The following TXNDC15 variants were observed in gnomAD, a reference collection of about 807,000 sequenced individuals.
The protein encoded by TXNDC15 is thioredoxin domain containing 15.
TXNDC15 carries 24 observed loss-of-function variants against 35.0 expected under a neutral mutation model. The observed-to-expected ratio is 0.68, with a 90% CI of 0.50 to 0.96. The LOEUF (loss-of-function observed/expected upper bound fraction) is 0.96, where lower values mean the gene tolerates loss of function less well. Among genes scored for constraint, TXNDC15 ranks in the 40% least tolerant of loss-of-function variants. TXNDC15 has a pLI of 0.00. For missense variants in TXNDC15, 385 were observed against 453.3 expected (o/e 0.85, Z 1.37); for synonymous variants, 169 against 174.0 (o/e 0.97, Z 0.23).
intron 4 of TXNDC15, among the ~76,000 whole-genome samples, chr5:134,897,538 C>T (rs1021130569): frequency 5.9e-5 from 9 of 152,150 alleles, no homozygotes; most frequent in African/African-American, 1.9e-4. Flanking sequence ...TGTGAGCCAC[C>T]GTGCCTGGCC....
intron 1 of TXNDC15, among the ~76,000 whole-genome samples, chr5:134,879,122 A>T (rs1410837486): frequency 6.6e-6 from 1 of 152,204 alleles, no homozygotes; most frequent in Non-Finnish European, 1.5e-5. Flanking sequence ...CTAAATGAAA[A>T]CGTTGGTACC....
At chr5:134,893,963 G>C (rs1750439929) in intron 3 of TXNDC15, among the ~76,000 whole-genome samples, 1 of 152,174 alleles carries the variant, frequency 6.6e-6, no homozygotes, top group Non-Finnish European at 1.5e-5. Context: ...GACTGAATCA[G>C]CACAATTGGT....
intron 1 of TXNDC15, among the ~76,000 whole-genome samples, chr5:134,882,532 C>T (rs1750174915): frequency 6.6e-6 from 1 of 152,236 alleles, no homozygotes; most frequent in Non-Finnish European, 1.5e-5. Flanking sequence ...GATCACGCCA[C>T]TGCACTCCAG....
At chr5:134,896,266 C>T (rs1389583853) in intron 3 of TXNDC15, 28 bp from the exon 4 acceptor site, 1 of 1,598,628 alleles carries the variant, frequency 6.3e-7, no homozygotes, top group Admixed American at 1.8e-5. Flanking sequence ...ATAATAAATT[C>T]AGGTTTTTTG....
chr5:134,888,326 A>G (rs1750319589), intron 2 of TXNDC15, 144 bp downstream of exon 2: 4 of 869,092 alleles, frequency 4.6e-6, no homozygotes, highest in African/African-American at 3.4e-5. Context: ...GTGAAAATCA[A>G]CTTTGCCCTC....
At chr5:134,884,452 T>G (rs570102501) in intron 1 of TXNDC15, among the ~76,000 whole-genome samples, 12 of 151,892 alleles carry the variant, frequency 7.9e-5, no homozygotes, top group Non-Finnish European at 1.8e-4. Flanking sequence ...TTCTCCATGT[T>G]GGTCAGGCTG....
intron 4 of TXNDC15, among the ~76,000 whole-genome samples, chr5:134,896,976 C>G (rs1387884096): frequency 1.3e-5 from 2 of 151,066 alleles, no homozygotes; most frequent in Non-Finnish European, 2.9e-5. Flanking sequence ...GAGTCTCACT[C>G]TGTTGCCCAG....
chr5:134,899,444 G>A (rs1322670125), intron 4 of TXNDC15, 45 bp from the exon 5 acceptor site: 10 of 1,558,522 alleles, frequency 6.4e-6, no homozygotes, highest in Non-Finnish European at 6.1e-6. Flanking sequence ...AATCTGTGGT[G>A]GGTGCTTTTT....
chr5:134,883,362 A>C (rs538068449), intron 1 of TXNDC15, among the ~76,000 whole-genome samples: 3 of 152,020 alleles, frequency 2.0e-5, no homozygotes, highest in African/African-American at 7.2e-5. Context: ...ACCCAGGAGG[A>C]GGTAGCAGTG....
chr5:134,873,790 G>A (rs1175989793), upstream of TXNDC15: 1 of 152,162 alleles, frequency 6.6e-6, no homozygotes, highest in Non-Finnish European at 1.5e-5. Flanking sequence ...AACCTCTCCT[G>A]CCCTGAGTGG....
At chr5:134,889,195 T>C (rs752231594) in intron 2 of TXNDC15, among the ~76,000 whole-genome samples, 1 of 152,208 alleles carries the variant, frequency 6.6e-6, no homozygotes, top group Non-Finnish European at 1.5e-5. Flanking sequence ...GTCTGAGTTA[T>C]GGATTAAACA....
At chr5:134,887,270 C>T (rs1750294190) in intron 1 of TXNDC15, among the ~76,000 whole-genome samples, 4 of 152,146 alleles carry the variant, frequency 2.6e-5, no homozygotes, top group African/African-American at 7.2e-5. Context: ...CTGCAACCTC[C>T]GCCTCCTAGG....
chr5:134,893,425 T>C, intron 2 of TXNDC15, 67 bp from the exon 3 acceptor site: 1 of 1,595,556 alleles, frequency 6.3e-7, no homozygotes, highest in East Asian at 2.2e-5. Context: ...GTGTCCTGTT[T>C]CTTGGGTATC....
rs1339547844 is a variant in TXNDC15, at chr5:134,893,480, C to T, written c.592-12C>T. The T allele has an allele frequency of 6.2e-7, 1 of 1,613,666 alleles. No individual in the cohort carries two copies. The highest frequency in any genetic ancestry group is 8.5e-7 in the Non-Finnish European group (1 of 1,179,616). On this transcript the variant is annotated splice_polypyrimidine_tract_variant and intron_variant, in intron 2 of 4. Transcript: ENST00000358387. ...TTACTGCTAACTTTAATGCTTGTTT[C>T]TTTTACCACAGGACCTTATGGATTT... is the stretch of plus-strand genomic sequence containing the variant.
intron 2 of TXNDC15, among the ~76,000 whole-genome samples, chr5:134,888,457 G>A (rs1334479143): frequency 6.6e-6 from 1 of 152,150 alleles, no homozygotes; most frequent in African/African-American, 2.4e-5. Flanking sequence ...AATCCCAGTG[G>A]ACAGATAGTT....
chr5:134,889,569 C>T lies in TXNDC15; in HGVS notation c.591+1387C>T, dbSNP rs1477927586. 7.2e-5 allele frequency among the ~76,000 whole-genome samples: 11 copies of T among 152,260 alleles called. No homozygotes were observed. The South Asian group carries it at 1.2e-3, about 17-fold the overall frequency. The stretch of plus-strand genomic sequence containing the variant: ...TGATCTAACCTTTGGCCAAACATAT[C>T]GATATGACTGCTTAGTTCAGACTTA... On this transcript the variant is annotated intron_variant, in intron 2 of 4. Coordinates refer to ENST00000358387, the MANE Select transcript of TXNDC15 (RefSeq NM_024715.4).
At chr5:134,898,254 C>A (rs1428678504) in intron 4 of TXNDC15, among the ~76,000 whole-genome samples, 1 of 152,018 alleles carries the variant, frequency 6.6e-6, no homozygotes, top group Non-Finnish European at 1.5e-5. Flanking sequence ...ATGTTTTGTT[C>A]TTTTTCTTTG....
At chr5:134,898,630 A>C (rs922620292) in intron 4 of TXNDC15, among the ~76,000 whole-genome samples, 1 of 152,172 alleles carries the variant, frequency 6.6e-6, no homozygotes, top group Non-Finnish European at 1.5e-5. Flanking sequence ...TGGATCCCTG[A>C]TTGTCATTTC....
intron 2 of TXNDC15, among the ~76,000 whole-genome samples, chr5:134,888,607 C>T (rs1750325924): frequency 6.6e-6 from 1 of 152,136 alleles, no homozygotes; most frequent in Non-Finnish European, 1.5e-5. Flanking sequence ...CCTCAGTCTC[C>T]CATGTAGCTG....
Sources: allele counts gnomAD v4.1 joint callset (sites outside exome capture counted in the v4.1 genomes callset), GRCh38; gene constraint gnomAD v4.1.1; transcripts MANE v1.5; gene names NCBI Gene and HGNC (gene_info 2026-07-23, HGNC 2026-07-21).